PHEX: variants seen among roughly 807,000 people sequenced by gnomAD.
PHEX encodes phosphate-regulating neutral endopeptidase PHEX.
Under a neutral mutation model 68.0 loss-of-function variants are expected in PHEX, and 16 were observed. The ratio of observed to expected loss-of-function variants is 0.24; its 90% CI spans 0.16 to 0.36. The LOEUF (loss-of-function observed/expected upper bound fraction) is 0.36. PHEX is among the 10% of genes least tolerant of loss of function. The probability of loss-of-function intolerance (pLI) is 1.00; values close to 1 mark genes in which losing one functional copy is unlikely to be tolerated. For missense variants in PHEX, 480 were observed against 575.5 expected (o/e 0.83, Z 1.70); for synonymous variants, 208 against 205.1 (o/e 1.01, Z -0.12).
At chrX:22,229,966 G>A (rs1935654098) in intron 20 of PHEX, among the ~76,000 whole-genome samples, 1 of 111,669 alleles carries the variant, frequency 9.0e-6, no homozygotes, top group African/African-American at 3.3e-5. Context: ...CATATGGCTA[G>A]CCAGTTTTCC....
intron 9 of PHEX, among the ~76,000 whole-genome samples, chrX:22,105,914 T>A (rs1054552869): frequency 1.8e-5 from 2 of 111,844 alleles, no homozygotes; most frequent in Middle Eastern, 4.2e-3. Context: ...TAATTACCAA[T>A]TGAGCATCCC....
At chrX:22,151,820 C>T (rs923150998) in intron 12 of PHEX, among the ~76,000 whole-genome samples, 2 of 111,202 alleles carry the variant, frequency 1.8e-5, no homozygotes, top group East Asian at 2.8e-4. Context: ...TCTTGTCTTC[C>T]GGGGGCTCTC....
intron 1 of PHEX, among the ~76,000 whole-genome samples, chrX:22,036,157 T>C (rs1251278476): frequency 9.7e-6 from 1 of 102,663 alleles, no homozygotes; most frequent in Non-Finnish European, 2.0e-5. Flanking sequence ...CCTCCTGGGT[T>C]CAAGCAATTA....
chrX:22,235,236 T>C (rs1250635422), intron 20 of PHEX, among the ~76,000 whole-genome samples: 1 of 112,147 alleles, frequency 8.9e-6, no homozygotes, highest in Non-Finnish European at 1.9e-5. Flanking sequence ...ACTTACTTTC[T>C]GCATTGATTT....
chrX:22,073,261 T>C (rs774133532), intron 3 of PHEX, among the ~76,000 whole-genome samples: 8 of 113,424 alleles, frequency 7.1e-5, no homozygotes, highest in Admixed American at 5.6e-4. Context: ...CACCACTTAC[T>C]GATCCCCGTT....
At chrX:22,141,833 T>C (rs1932477184) in intron 12 of PHEX, among the ~76,000 whole-genome samples, 1 of 112,648 alleles carries the variant, frequency 8.9e-6, no homozygotes, top group Non-Finnish European at 1.9e-5. Flanking sequence ...ACTTTGACTT[T>C]TTTCCCATAC....
At chrX:22,190,051 A>G (rs1045332536) in intron 14 of PHEX, among the ~76,000 whole-genome samples, 1 of 112,287 alleles carries the variant, frequency 8.9e-6, no homozygotes, top group African/African-American at 3.2e-5. Context: ...AATGCAGCAT[A>G]GAAACCCAAT....
At chrX:22,116,357 G>A (rs1357851256) in intron 11 of PHEX, among the ~76,000 whole-genome samples, 1 of 111,947 alleles carries the variant, frequency 8.9e-6, no homozygotes, top group East Asian at 2.8e-4. Context: ...ATTTGGCCAA[G>A]TTTTTTGTCT....
At position 22,250,906 on chromosome X, in the gene PHEX, A is replaced by C. The variant is rs1432453651; in HGVS notation, c.*2953A>C. 8.9e-6 allele frequency: 1 copy of C among 112,118 alleles called. No homozygotes were observed. Among genetic ancestry groups the C allele is most frequent in the Non-Finnish European group, 1.9e-5 (1 of 53,214 alleles). The allele number at this position is 112,118 out of a possible 1,213,427, so 9.2% of individuals were successfully genotyped here. A position where few individuals can be genotyped will look rare whatever the true frequency, so the allele number is the denominator to read the frequency against. ...GATTATGCTTGTGCCAGAGAAGTGG[A>C]GAAGCCTGAAATCCCTTGTCAAGTA... On this transcript the variant is annotated 3_prime_UTR_variant, in exon 22 of 22. Transcript: ENST00000379374.
At chrX:22,064,845 C>A (rs1928526701) in intron 3 of PHEX, among the ~76,000 whole-genome samples, 1 of 111,934 alleles carries the variant, frequency 8.9e-6, no homozygotes, top group Non-Finnish European at 1.9e-5. Context: ...AAGATTTGTT[C>A]ATTTCCTTTT....
intron 18 of PHEX, 48 bp downstream of exon 18, chrX:22,221,791 T>A: frequency 9.1e-7 from 1 of 1,102,987 alleles, no homozygotes; most frequent in Non-Finnish European, 1.3e-6. Flanking sequence ...TCATTTTTCC[T>A]CATTTGGACA....
At chrX:22,211,160 G>A (rs1934909515) in intron 15 of PHEX, among the ~76,000 whole-genome samples, 1 of 111,773 alleles carries the variant, frequency 8.9e-6, no homozygotes, top group Non-Finnish European at 1.9e-5. Context: ...TTAGTGGTGA[G>A]TTGCAAGGGC....
At chrX:22,093,639 C>T (rs1001373856) in intron 6 of PHEX, among the ~76,000 whole-genome samples, 4 of 112,009 alleles carry the variant, frequency 3.6e-5, no homozygotes, top group Non-Finnish European at 7.5e-5. Flanking sequence ...CCTCACTTGT[C>T]TGGAAAGAGG....
intron 17 of PHEX, among the ~76,000 whole-genome samples, chrX:22,219,552 G>A (rs2147171934): frequency 8.9e-6 from 1 of 111,964 alleles, no homozygotes; most frequent in South Asian, 3.8e-4. Flanking sequence ...TCCCTTTTAC[G>A]ATTTCGAAGA....
chrX:22,243,396 CA>C (rs1936290450), intron 20 of PHEX, among the ~76,000 whole-genome samples: 1 of 111,653 alleles, frequency 9.0e-6, no homozygotes, highest in African/African-American at 3.3e-5. Context: ...TCTAAAACAC[CA>C]AAATCGATGG....
intron 3 of PHEX, among the ~76,000 whole-genome samples, chrX:22,066,039 G>A (rs1321503195): frequency 8.9e-6 from 1 of 112,259 alleles, no homozygotes; most frequent in East Asian, 2.8e-4. Context: ...TGTGATTGGA[G>A]CTCTGAGTTG....
At position 22,212,914 on chromosome X, in the gene PHEX, A is replaced by G. The variant is rs143427381; in HGVS notation, c.1656A>G (p.Ala552=). 2 of 1,202,693 alleles carry G rather than the reference A, an allele frequency of 1.7e-6. No individual in the cohort carries two copies. The highest frequency in any genetic ancestry group is 2.3e-6 in the Non-Finnish European group (2 of 888,677). ...SASTNQIRFP[A]GELQKPFFWG... is the part of the protein sequence containing the mutation. ...TTTTCCTTCTCATAGGATTTCCAGC[A>G]GGAGAGCTCCAGAAGCCTTTCTTTT... is the stretch of plus-strand genomic sequence containing the variant. Residue 552 remains alanine (A), a synonymous_variant, in exon 16 of 22, where the codon GCA becomes GCG. Transcript: ENST00000379374.
chrX:22,217,175 G>GA (rs1935122459), intron 16 of PHEX, among the ~76,000 whole-genome samples: 1 of 111,841 alleles, frequency 8.9e-6, no homozygotes, highest in Non-Finnish European at 1.9e-5. Flanking sequence ...GAGAGACCTG[G>GA]AAAAACTAAA....
At chrX:22,219,643 G>A (rs911995416) in intron 17 of PHEX, among the ~76,000 whole-genome samples, 2 of 104,992 alleles carry the variant, frequency 1.9e-5, no homozygotes, top group Non-Finnish European at 3.9e-5. Context: ...TTATTGAGAC[G>A]GAGTCTAGCT....
Sources: allele counts gnomAD v4.1 joint callset (sites outside exome capture counted in the v4.1 genomes callset), GRCh38; gene constraint gnomAD v4.1.1; transcripts MANE v1.5; gene names NCBI Gene and HGNC (gene_info 2026-07-23, HGNC 2026-07-21).